The following FAF1 variants were observed in gnomAD, a reference collection of about 807,000 sequenced individuals.
The protein encoded by FAF1 is Fas associated factor 1.
A neutral mutation model predicts 92.5 loss-of-function variants in FAF1; 25 were observed. That is an observed-to-expected ratio of 0.27 (90% CI 0.20 to 0.38). The LOEUF (loss-of-function observed/expected upper bound fraction) is 0.38. FAF1 is among the 10% of genes least tolerant of loss of function. The pLI, the probability that FAF1 is intolerant of heterozygous loss-of-function variation, is 1.00. For synonymous variants in FAF1, 234 were observed against 273.2 expected, an observed-to-expected ratio of 0.86 and a Z score of 1.42; for missense variants, 636 against 793.3, an observed-to-expected ratio of 0.80 and a Z score of 2.38.
chr1:50,816,119 T>G (rs895963152), intron 2 of FAF1, among the ~76,000 whole-genome samples: 1 of 148,438 alleles, frequency 6.7e-6, no homozygotes, highest in East Asian at 1.9e-4. Flanking sequence ...ATATTAGTGA[T>G]TTTTTTTTCA....
intron 3 of FAF1, 62 bp downstream of exon 3, chr1:50,801,569 A>G: frequency 1.1e-6 from 1 of 879,520 alleles, no homozygotes; most frequent in Non-Finnish European, 1.9e-6. Context: ...AAAAAAATTA[A>G]CAGCTAGCTC....
intron 2 of FAF1, among the ~76,000 whole-genome samples, chr1:50,809,982 G>T (rs927217461): frequency 6.6e-6 from 1 of 152,172 alleles, no homozygotes; most frequent in Admixed American, 6.5e-5. Flanking sequence ...TTGGCTTGGC[G>T]CAGTGGCTCA....
chr1:50,855,600 C>A (rs985798990), intron 2 of FAF1, among the ~76,000 whole-genome samples: 2 of 151,772 alleles, frequency 1.3e-5, no homozygotes, highest in African/African-American at 4.8e-5. Context: ...ACATAAAGTT[C>A]CATGATGCTA....
intron 4 of FAF1, among the ~76,000 whole-genome samples, chr1:50,778,576 A>G (rs1661045154): frequency 1.3e-5 from 2 of 152,222 alleles, no homozygotes; most frequent in African/African-American, 2.4e-5. Flanking sequence ...AAACTAGAGA[A>G]AAGAAAATGT....
chr1:50,718,324 G>C (rs374087163), intron 6 of FAF1, among the ~76,000 whole-genome samples: 288 of 152,238 alleles, frequency 1.9e-3, no homozygotes, highest in Middle Eastern at 6.8e-3. Context: ...CACCGTGCCC[G>C]GCCACAATCC....
At chr1:50,896,763 G>A (rs1267802945) in intron 1 of FAF1, among the ~76,000 whole-genome samples, 1 of 152,142 alleles carries the variant, frequency 6.6e-6, no homozygotes, top group African/African-American at 2.4e-5. Flanking sequence ...AAAATAAAAT[G>A]GTGACCGTCA....
chr1:50,882,105 A>C (rs2124689515), intron 1 of FAF1, among the ~76,000 whole-genome samples: 1 of 152,336 alleles, frequency 6.6e-6, no homozygotes, highest in Admixed American at 6.5e-5. Flanking sequence ...ACCAAAATAC[A>C]AAATACATAA....
intron 2 of FAF1, chr1:50,846,419 C>G: frequency 2.6e-6 from 1 of 386,358 alleles, no homozygotes; most frequent in East Asian, 8.1e-5. Flanking sequence ...CGCCCCTTCG[C>G]GTCCTGGGAA....
chr1:50,490,540 C>CAAATACAGTGG (rs57541625), intron 17 of FAF1, 48 bp downstream of exon 17: 576,486 of 577,234 alleles, frequency 1, 287,901 homozygotes, highest in Middle Eastern at 1. Context: ...GCTTCAGTAT[C>CAAATACAGTGG]AAATACAACC....
intron 6 of FAF1, among the ~76,000 whole-genome samples, chr1:50,732,741 A>G (rs1658980378): frequency 6.6e-6 from 1 of 151,948 alleles, no homozygotes; most frequent in African/African-American, 2.4e-5. Flanking sequence ...AATTCTGATA[A>G]ATTTTATTTT....
chr1:50,589,342 A>C (rs1651392542), intron 9 of FAF1, among the ~76,000 whole-genome samples: 3 of 151,992 alleles, frequency 2.0e-5, no homozygotes, highest in Admixed American at 2.0e-4. Flanking sequence ...GAAAAATACG[A>C]AGTCTGCTGA....
intron 3 of FAF1, among the ~76,000 whole-genome samples, chr1:50,796,633 C>A (rs567336025): frequency 6.6e-6 from 1 of 152,116 alleles, no homozygotes; most frequent in Admixed American, 6.5e-5. Context: ...TACATCCCTA[C>A]CCTTCTCACT....
intron 1 of FAF1, among the ~76,000 whole-genome samples, chr1:50,952,419 G>A (rs1314244723): frequency 2.0e-5 from 3 of 152,198 alleles, no homozygotes; most frequent in Non-Finnish European, 2.9e-5. Flanking sequence ...GCTCAATGTT[G>A]CCCAGGCTGG....
At chr1:50,868,801 T>G (rs1448500882) in intron 1 of FAF1, among the ~76,000 whole-genome samples, 1 of 152,212 alleles carries the variant, frequency 6.6e-6, no homozygotes, top group Non-Finnish European at 1.5e-5. Flanking sequence ...TGGAAATTTA[T>G]GAAGACTTAA....
intron 2 of FAF1, among the ~76,000 whole-genome samples, chr1:50,809,277 A>C (rs560080901): frequency 1.3e-5 from 2 of 152,246 alleles, no homozygotes; most frequent in South Asian, 4.1e-4. Flanking sequence ...GAAATGAAGG[A>C]AACTGAGACA....
intron 8 of FAF1, among the ~76,000 whole-genome samples, chr1:50,629,064 T>C (rs1653636016): frequency 6.6e-6 from 1 of 152,150 alleles, no homozygotes; most frequent in Non-Finnish European, 1.5e-5. Flanking sequence ...TAATGCCTTG[T>C]ATATAATAAA....
At chr1:50,606,971 A>T (rs1473671253) in intron 8 of FAF1, 1 of 152,238 alleles carries the variant, frequency 6.6e-6, no homozygotes, top group East Asian at 1.9e-4. Flanking sequence ...AAAGAACAAC[A>T]GGCTATTGGA....
intron 6 of FAF1, among the ~76,000 whole-genome samples, chr1:50,723,739 C>T (rs1219087642): frequency 6.6e-6 from 1 of 152,046 alleles, no homozygotes; most frequent in African/African-American, 2.4e-5. Flanking sequence ...CAGCAAAACC[C>T]CATCTCTTTT....
At chr1:50,944,175 C>A (rs1557598981) in intron 1 of FAF1, among the ~76,000 whole-genome samples, 1 of 152,312 alleles carries the variant, frequency 6.6e-6, no homozygotes, top group East Asian at 1.9e-4. Context: ...TGGAGCCAAC[C>A]ACTGCTGTTT....
Sources: allele counts gnomAD v4.1 joint callset (sites outside exome capture counted in the v4.1 genomes callset), GRCh38; gene constraint gnomAD v4.1.1; transcripts MANE v1.5; gene names NCBI Gene and HGNC (gene_info 2026-07-23, HGNC 2026-07-21).